The following SPMAP2L variants were observed in gnomAD, a reference collection of about 807,000 sequenced individuals.
SPMAP2L encodes sperm microtubule associated protein 2-like.
chr4:56,551,559 T>C, the SPMAP2L span, among the ~76,000 whole-genome samples: 3 of 152,176 alleles, frequency 2.0e-5, no homozygotes, highest in Admixed American at 6.5e-5. Flanking sequence ...CAACAACATA[T>C]AGTATTTTTA....
chr4:56,613,605 G>T, the SPMAP2L span, among the ~76,000 whole-genome samples: 58 of 152,272 alleles, frequency 3.8e-4, no homozygotes, highest in Admixed American at 9.8e-4. Context: ...CAGTAGTCAG[G>T]AATGTCCCAG....
chr4:56,533,343 TCC>T, the SPMAP2L span, among the ~76,000 whole-genome samples: 1 of 152,172 alleles, frequency 6.6e-6, no homozygotes, highest in Non-Finnish European at 1.5e-5. Context: ...ACCTTATGCA[TCC>T]TTTCCTCCTC....
the SPMAP2L span, among the ~76,000 whole-genome samples, chr4:56,624,809 C>T: frequency 7.2e-5 from 11 of 152,286 alleles, no homozygotes; most frequent in South Asian, 2.1e-4. Context: ...TGCTGCAGGG[C>T]GGGGCCCTCA....
the SPMAP2L span, among the ~76,000 whole-genome samples, chr4:56,589,590 G>A: frequency 6.6e-6 from 1 of 151,996 alleles, no homozygotes; most frequent in African/African-American, 2.4e-5. Flanking sequence ...CCATTTGTTT[G>A]TGTCATCTGT....
the SPMAP2L span, among the ~76,000 whole-genome samples, chr4:56,615,902 G>T: frequency 2.0e-5 from 3 of 151,924 alleles, no homozygotes; most frequent in African/African-American, 4.8e-5. Flanking sequence ...CTAATGTGCC[G>T]CCAAGAACCG....
At chr4:56,586,407 A>G in the SPMAP2L span, among the ~76,000 whole-genome samples, 1 of 152,248 alleles carries the variant, frequency 6.6e-6, no homozygotes, top group East Asian at 1.9e-4. Context: ...TCCTTTTCTT[A>G]TAATGACACT....
At chr4:56,537,528 G>C in the SPMAP2L span, among the ~76,000 whole-genome samples, 4 of 152,088 alleles carry the variant, frequency 2.6e-5, no homozygotes, top group African/African-American at 9.7e-5. Context: ...AGTTACTCAA[G>C]CTAAAGAAAA....
chr4:56,579,859 A>G, the SPMAP2L span, among the ~76,000 whole-genome samples: 1 of 152,248 alleles, frequency 6.6e-6, no homozygotes, highest in Non-Finnish European at 1.5e-5. Flanking sequence ...AAATTATTAT[A>G]AAGACAAACT....
chr4:56,542,706 G>A, the SPMAP2L span, among the ~76,000 whole-genome samples: 3 of 151,944 alleles, frequency 2.0e-5, no homozygotes, highest in African/African-American at 7.3e-5. Flanking sequence ...GGTGCTGAAC[G>A]TGCTCTTCCT....
the SPMAP2L span, among the ~76,000 whole-genome samples, chr4:56,598,469 G>A: frequency 6.6e-6 from 1 of 152,204 alleles, no homozygotes; most frequent in South Asian, 2.1e-4. Context: ...GATTAAGTAA[G>A]TCCTGCAGAA....
chr4:56,603,866 G>C, the SPMAP2L span, among the ~76,000 whole-genome samples: 1 of 152,116 alleles, frequency 6.6e-6, no homozygotes, highest in Non-Finnish European at 1.5e-5. Flanking sequence ...GAAATTTAGG[G>C]AACAGGTTAC....
the SPMAP2L span, among the ~76,000 whole-genome samples, chr4:56,610,036 C>G: frequency 6.6e-6 from 1 of 152,120 alleles, no homozygotes; most frequent in Non-Finnish European, 1.5e-5. Context: ...CAAAAGAAAT[C>G]TACAGATTTA....
At chr4:56,547,076 G>C in the SPMAP2L span, among the ~76,000 whole-genome samples, 1 of 152,070 alleles carries the variant, frequency 6.6e-6, no homozygotes, top group Non-Finnish European at 1.5e-5. Context: ...TCACAAGTTC[G>C]TTGAATAGTT....
the SPMAP2L span, among the ~76,000 whole-genome samples, chr4:56,580,753 A>G: frequency 1.3e-5 from 2 of 152,238 alleles, no homozygotes; most frequent in Non-Finnish European, 2.9e-5. Context: ...GAATCTACAT[A>G]AAGACTATTA....
the SPMAP2L span, among the ~76,000 whole-genome samples, chr4:56,553,180 C>CT: frequency 1.8e-3 from 53 of 30,010 alleles, 7 homozygotes; most frequent in East Asian, 5.0e-3. Context: ...TCTCCTATTG[C>CT]TTTTTTTTTT....
the SPMAP2L span, among the ~76,000 whole-genome samples, chr4:56,534,274 T>G: frequency 6.6e-6 from 1 of 152,180 alleles, no homozygotes; most frequent in African/African-American, 2.4e-5. Flanking sequence ...GGCTAATTCT[T>G]CATCTTCATC....
chr4:56,564,329 G>A, the SPMAP2L span, among the ~76,000 whole-genome samples: 3 of 151,970 alleles, frequency 2.0e-5, no homozygotes, highest in Non-Finnish European at 2.9e-5. Context: ...TAGTAGAGAC[G>A]GAGTTTCACC....
At chr4:56,594,493 T>C in the SPMAP2L span, 1 of 1,607,610 alleles carries the variant, frequency 6.2e-7, no homozygotes, top group African/African-American at 1.3e-5. Flanking sequence ...ACCAGGTCTG[T>C]TTCCAGCCAA....
chr4:56,589,742 G>A, the SPMAP2L span, among the ~76,000 whole-genome samples: 1 of 151,432 alleles, frequency 6.6e-6, no homozygotes, highest in East Asian at 1.9e-4. Context: ...TTGTGTGTGG[G>A]GGGGTTTTGT....
Sources: gnomAD v4.1 joint callset for allele counts (sites outside exome capture counted in the v4.1 genomes callset) on GRCh38, gnomAD v4.1.1 for gene constraint, MANE v1.5 for transcripts, NCBI Gene and HGNC (gene_info 2026-07-23, HGNC 2026-07-21) for gene names.